Variants in DHTKD1 observed in about 807,000 individuals in gnomAD.
The protein encoded by DHTKD1 is dehydrogenase E1 and transketolase domain containing 1.
Under a neutral mutation model 101.8 loss-of-function variants are expected in DHTKD1, and 78 were observed. The ratio of observed to expected loss-of-function variants is 0.77; its 90% CI spans 0.64 to 0.93. The LOEUF (loss-of-function observed/expected upper bound fraction) is 0.93. DHTKD1 is among the 40% of genes least tolerant of loss of function. The pLI is 0.00. For synonymous variants in DHTKD1, 462 were observed against 450.3 expected (o/e 1.03, Z -0.33); for missense variants, 1,223 against 1,161.7 (o/e 1.05, Z -0.77).
At position 12,097,687 on chromosome 10, in the gene DHTKD1, T is replaced by A. The variant is rs536719902; in HGVS notation, c.1362T>A (p.Ala454=). 11 of 1,607,944 alleles carry A rather than the reference T, an allele frequency of 6.8e-6. No individual in the cohort carries two copies. The highest frequency in any genetic ancestry group is 1.7e-4 in the Middle Eastern group (1 of 6,020). ...TNPIMYKIIR[A]RKSIPDTYAE... The stretch of plus-strand genomic sequence containing the variant: ...GTTTCTTCTCTTTCTTGGGCAGAGC[T>A]CGAAAGAGCATTCCAGACACATATG... The change falls in exon 8 of 17, where the codon GCT becomes GCA. Residue 454 remains alanine, a synonymous_variant. Coordinates refer to ENST00000263035, the MANE Select transcript of DHTKD1 (RefSeq NM_018706.7).
chr10:12,087,669 T>G lies in DHTKD1; in HGVS notation c.657T>G (p.Ile219Met), dbSNP rs1832924738. 6.2e-7 allele frequency: 1 copy of G among 1,613,748 alleles called. No homozygotes were observed. Among genetic ancestry groups the G allele is most frequent in the Non-Finnish European group, 8.5e-7 (1 of 1,179,880 alleles). ...ACAGCGGGATCACTGATGTCATTAT[T>G]GGGATGCCCCATAGAGGGAGGCTGA... is the stretch of plus-strand genomic sequence containing the variant. ...SAYSGITDVI[I>M]GMPHRGRLNL... The change falls in exon 4 of 17, where the codon ATT (isoleucine) becomes ATG (methionine). Residue 219 changes from isoleucine (I) to methionine (M), a missense_variant. Ile to Met is a conservative substitution (Grantham distance 10). Transcript: ENST00000263035. This position sits in a 1 kb window ranked among gnomAD's most constrained non-coding sequence, Gnocchi z 5.2.
intron 3 of DHTKD1, among the ~76,000 whole-genome samples, chr10:12,085,303 C>G (rs1308526797): frequency 6.6e-6 from 1 of 151,660 alleles, no homozygotes; most frequent in Non-Finnish European, 1.5e-5. Context: ...GAGCGAGACT[C>G]TGTCTCAAAA....
At chr10:12,072,900 C>T (rs1352599397) in intron 1 of DHTKD1, among the ~76,000 whole-genome samples, 1 of 151,886 alleles carries the variant, frequency 6.6e-6, no homozygotes, top group African/African-American at 2.4e-5. Flanking sequence ...CCACACCTGG[C>T]TAATTTTGTA....
intron 9 of DHTKD1, 32 bp downstream of exon 9, chr10:12,100,294 T>TTTTTTTC: frequency 2.3e-6 from 2 of 879,472 alleles, no homozygotes; most frequent in Non-Finnish European, 3.3e-6. Context: ...TCTGTTTTTT[T>TTTTTTTC]TTTTTTTGAG....
chr10:12,116,038 C>T (rs1220870188), intron 13 of DHTKD1, among the ~76,000 whole-genome samples: 1 of 150,976 alleles, frequency 6.6e-6, no homozygotes, highest in Non-Finnish European at 1.5e-5. Flanking sequence ...TCAAGCAATT[C>T]TCCTGCCTCA....
At chr10:12,076,430 G>A (rs1588601245) in intron 1 of DHTKD1, among the ~76,000 whole-genome samples, 1 of 151,442 alleles carries the variant, frequency 6.6e-6, no homozygotes. Context: ...GAGCCGAGAT[G>A]GTGCCACTGC....
chr10:12,096,130 A>T (rs1319942808), intron 7 of DHTKD1, among the ~76,000 whole-genome samples: 1 of 152,136 alleles, frequency 6.6e-6, no homozygotes, highest in East Asian at 1.9e-4. Context: ...CATGGTGCTG[A>T]TTCAGATGGT....
Position 12,087,712 on chromosome 10 carries a change from C to G in DHTKD1, c.700C>G (p.Leu234Val), listed in dbSNP as rs140003684. The G allele has an allele frequency of 5.4e-5, 87 of 1,603,646 alleles. No individual in the cohort carries two copies. The highest frequency in any genetic ancestry group is 2.2e-4 in the Admixed American group (13 of 58,306). ...GAGGCTGAATTTATTGACAGGCCTT[C>G]TGCAGTTCCCTCCAGAGGTAAGGTT... ...RGRLNLLTGL[L>V]QFPPELMFRK... Residue 234 changes from leucine to valine, a missense_variant, in exon 4 of 17, where the codon CTG (leucine) becomes GTG (valine). By Grantham distance (32) the Leu-to-Val change is conservative (BLOSUM62 1). Transcript: ENST00000263035. The surrounding 1 kb of genome is among the most constrained non-coding windows in gnomAD (Gnocchi z 5.2).
chr10:12,120,123 A>G (rs1833500796), intron 15 of DHTKD1, 59 bp from the exon 16 acceptor site: 2 of 1,333,140 alleles, frequency 1.5e-6, no homozygotes, highest in African/African-American at 1.5e-5. Flanking sequence ...GATCATAGTA[A>G]ATTGGGGACC....
chr10:12,089,336 G>A, intron 5 of DHTKD1, 81 bp downstream of exon 5: 2 of 1,324,154 alleles, frequency 1.5e-6, no homozygotes, highest in Non-Finnish European at 2.1e-6. Context: ...GAAAGCACAT[G>A]GCAGACATTC....
chr10:12,094,485 G>A (rs539477358), intron 7 of DHTKD1, among the ~76,000 whole-genome samples: 4 of 152,136 alleles, frequency 2.6e-5, no homozygotes, highest in African/African-American at 7.2e-5. Flanking sequence ...ACAGGCGTGT[G>A]CCACCGTGCC....
chr10:12,085,007 C>T (rs565086343), intron 3 of DHTKD1, among the ~76,000 whole-genome samples: 5 of 152,106 alleles, frequency 3.3e-5, no homozygotes, highest in Middle Eastern at 3.4e-3. Context: ...GCCGAGATTG[C>T]GCCATTGCAC....
Position 12,120,964 on chromosome 10 carries a change from A to G in DHTKD1, c.*76A>G. The G allele has an allele frequency of 7.3e-7, 1 of 1,369,706 alleles. No homozygotes were observed. The highest frequency in any genetic ancestry group is 1.0e-6 in the Non-Finnish European group (1 of 984,138). The allele number at this position is 1,369,706 out of a possible 1,614,324, so 84.8% of individuals were successfully genotyped here. A position where few individuals can be genotyped will look rare whatever the true frequency, so the allele number is the denominator to read the frequency against. On this transcript the variant is annotated 3_prime_UTR_variant, in exon 17 of 17. Transcript: ENST00000263035. ...GCCGGGTGGGGTGGCACATGCCTGT[A>G]ATCCCAGCACTTTGGGAGGCCAAGG...
chr10:12,112,255 C>T (rs1450481903), intron 12 of DHTKD1, among the ~76,000 whole-genome samples: 1 of 152,060 alleles, frequency 6.6e-6, no homozygotes, highest in Non-Finnish European at 1.5e-5. Context: ...TTTGGGGTTA[C>T]AGTGTGCTAT....
At chr10:12,117,539 C>T (rs1833438853) in intron 13 of DHTKD1, 134 bp from the exon 14 acceptor site, 8 of 659,892 alleles carry the variant, frequency 1.2e-5, no homozygotes, top group Non-Finnish European at 1.1e-5. Flanking sequence ...CAAGGCATTG[C>T]GTCTATTAGG....
intron 2 of DHTKD1, 46 bp downstream of exon 2, chr10:12,081,673 G>T: frequency 1.9e-6 from 3 of 1,607,472 alleles, no homozygotes; most frequent in South Asian, 1.1e-5. Context: ...TGCACACCAG[G>T]CCAGGCTCCT....
At chr10:12,092,322 A>G (rs1169571506) in intron 6 of DHTKD1, among the ~76,000 whole-genome samples, 1 of 152,052 alleles carries the variant, frequency 6.6e-6, no homozygotes, top group Non-Finnish European at 1.5e-5. Flanking sequence ...TAAGACAAGG[A>G]TGGAGCCACA....
chr10:12,100,542 C>T (rs1042172671), intron 9 of DHTKD1, among the ~76,000 whole-genome samples: 7 of 151,948 alleles, frequency 4.6e-5, no homozygotes, highest in African/African-American at 1.4e-4. Flanking sequence ...GGATTATGGG[C>T]GTGAGCCACC....
Position 12,106,322 on chromosome 10 carries a change from T to A in DHTKD1, c.1973T>A (p.Leu658Gln). ...ATGAGCATTGAGAGCCCAAAGTTAC[T>A]GCCCCTGTGGGAGGCACAGTTTGGC... The part of the protein sequence containing the change: ...YGMSIESPKL[L>Q]PLWEAQFGDF... Residue 658 changes from leucine (L) to glutamine (Q), a missense_variant, in exon 11 of 17, where the codon CTG becomes CAG. By Grantham distance (113) the Leu-to-Gln change is moderately radical. Transcript: ENST00000263035. 1.2e-6 allele frequency: 2 copies of A among 1,614,176 alleles called. No individual in the cohort carries two copies. Among genetic ancestry groups the A allele is most frequent in the Non-Finnish European group, 1.7e-6 (2 of 1,180,018 alleles).
Sources: gnomAD v4.1 joint callset for allele counts (sites outside exome capture counted in the v4.1 genomes callset) on GRCh38, gnomAD v4.1.1 for gene constraint, Gnocchi (gnomAD v3.1) non-coding constraint, MANE v1.5 for transcripts, NCBI Gene and HGNC (gene_info 2026-07-23, HGNC 2026-07-21) for gene names.